Variants in CAMTA1 observed in about 807,000 individuals in gnomAD.
CAMTA1 encodes the protein calmodulin-binding transcription activator 1.
Under a neutral mutation model 170.9 loss-of-function variants are expected in CAMTA1, and 27 were observed. The observed-to-expected ratio is 0.16, with a 90% CI of 0.12 to 0.22. The LOEUF (loss-of-function observed/expected upper bound fraction) is 0.22. Among genes scored for constraint, CAMTA1 ranks in the 10% least tolerant of loss-of-function variants. The pLI is 1.00. For missense variants in CAMTA1, 1,619 were observed against 2,217.2 expected (o/e 0.73, Z 5.42); for synonymous variants, 833 against 891.5 (o/e 0.93, Z 1.17).
At chr1:6,902,077 A>AAAAAAAAAATAAAAAAT (rs1385758257) in intron 3 of CAMTA1, among the ~76,000 whole-genome samples, 32 of 70,900 alleles carry the variant, frequency 4.5e-4, no homozygotes, top group African/African-American at 4.6e-4. Context: ...ACACACAAAA[A>AAAAAAAAAATAAAAAAT]AAAAAATAAA....
intron 5 of CAMTA1, among the ~76,000 whole-genome samples, chr1:7,398,207 A>C (rs576356291): frequency 0.036 from 2,902 of 81,106 alleles, 39 homozygotes; most frequent in Non-Finnish European, 0.043. Flanking sequence ...ATATATATAT[A>C]TATATATATA....
At position 7,530,535 on chromosome 1, in the gene CAMTA1, G is replaced by A. The variant is rs924504263; in HGVS notation, c.510+62634G>A. 5.3e-5 allele frequency among the ~76,000 whole-genome samples: 8 copies of A among 152,114 alleles called. No homozygotes were observed. In the South Asian group the frequency reaches 1.0e-3, roughly 20 times the overall value. On this transcript the variant is annotated intron_variant, in intron 6 of 22. Coordinates refer to ENST00000303635, the MANE Select transcript of CAMTA1 (RefSeq NM_015215.4). Reference sequence around the variant, plus strand: ...ACCCAGGTATCCTCCCAGCAGTCCCGGGGGTGGGTTATAGATGAGGGAGGG... The same window carrying A: ...ACCCAGGTATCCTCCCAGCAGTCCCAGGGGTGGGTTATAGATGAGGGAGGG...
At chr1:7,264,765 A>G (rs568129360) in intron 5 of CAMTA1, among the ~76,000 whole-genome samples, 3 of 152,334 alleles carry the variant, frequency 2.0e-5, no homozygotes, top group African/African-American at 7.2e-5. Flanking sequence ...TGAAAGGGGA[A>G]AAAATATCGC....
At position 7,642,468 on chromosome 1, in the gene CAMTA1, G is replaced by A. The variant is rs12027070; in HGVS notation, c.664+1915G>A. On this transcript the variant is annotated intron_variant, in intron 7 of 22. Coordinates refer to ENST00000303635, the MANE Select transcript of CAMTA1 (RefSeq NM_015215.4). The surrounding 1 kb of genome is among the most constrained non-coding windows in gnomAD (Gnocchi z 6.3). ...TAGGAGTCTGGGGCACCGGTGCTGC[G>A]GGCCCTGCTGTCAGGCCCGCCTGCC... Among the ~76,000 whole-genome samples, 7 of 152,274 alleles carry A rather than the reference G, an allele frequency of 4.6e-5. No homozygotes were observed. The highest frequency in any genetic ancestry group is 2.1e-4 in the South Asian group (1 of 4,828).
chr1:7,246,670 C>CTTTTTTTTTT lies in CAMTA1; in HGVS notation c.303-2808_303-2799dup, dbSNP rs34382670. On this transcript the variant is annotated intron_variant, in intron 4 of 22. Transcript: ENST00000303635. ...ATCCCTTCCCACCAGCTCTGACCTGCTTTTTTTTTTTTTTTTTTTTTTGAC... is the reference window on the plus strand; with the variant it reads ...ATCCCTTCCCACCAGCTCTGACCTGCTTTTTTTTTTTTTTTTTTTTTTTTTTTTTTTTGAC... 5.5e-4 allele frequency among the ~76,000 whole-genome samples: 41 copies of CTTTTTTTTTT among 73,922 alleles called. 1 individual carries two copies. The highest frequency in any genetic ancestry group is 1.5e-3 in the African/African-American group (25 of 16,544). 48.5% of individuals were successfully genotyped at this position (73,922 alleles called of 152,430 possible).
At chr1:7,513,885 G>T (rs2094239970) in intron 6 of CAMTA1, among the ~76,000 whole-genome samples, 1 of 152,078 alleles carries the variant, frequency 6.6e-6, no homozygotes, top group Non-Finnish European at 1.5e-5. Flanking sequence ...TTGCACCATT[G>T]CACTCCAGCC....
chr1:7,100,985 C>T (rs1356565807), intron 4 of CAMTA1, among the ~76,000 whole-genome samples: 1 of 152,186 alleles, frequency 6.6e-6, no homozygotes, highest in African/African-American at 2.4e-5. Context: ...AGGAGACTGC[C>T]CGCCCAGGGT....
chr1:7,291,848 T>C (rs1336974975), intron 5 of CAMTA1, among the ~76,000 whole-genome samples: 1 of 152,194 alleles, frequency 6.6e-6, no homozygotes, highest in Non-Finnish European at 1.5e-5. Context: ...TTCCAACAAC[T>C]GTCTGGAAAC....
intron 3 of CAMTA1, among the ~76,000 whole-genome samples, chr1:7,070,898 G>T (rs140039486): frequency 1.6e-3 from 248 of 152,354 alleles, no homozygotes; most frequent in Non-Finnish European, 2.2e-3. Context: ...GCTTTTTCTG[G>T]CTCTGAACAC....
At chr1:6,839,018 A>G (rs545755306) in intron 3 of CAMTA1, among the ~76,000 whole-genome samples, 10 of 152,088 alleles carry the variant, frequency 6.6e-5, no homozygotes, top group Admixed American at 3.9e-4. Context: ...CAGCCTCCCA[A>G]AGTGCTGGGA....
intron 16 of CAMTA1, among the ~76,000 whole-genome samples, chr1:7,742,785 C>T (rs547085433): frequency 2.6e-5 from 4 of 152,244 alleles, no homozygotes; most frequent in South Asian, 2.1e-4. Flanking sequence ...TACTTCCTAC[C>T]GTTTGAGTCA....
intron 6 of CAMTA1, among the ~76,000 whole-genome samples, chr1:7,614,130 G>A (rs2095543296): frequency 1.3e-5 from 2 of 151,996 alleles, no homozygotes; most frequent in South Asian, 4.2e-4. Context: ...AGGAGGAGAG[G>A]AGATTTTGGC....
In CAMTA1 at chr1:7,530,919, A is replaced by G. The variant is rs2094485670; in HGVS notation, c.510+63018A>G. Among the ~76,000 whole-genome samples the G allele has an allele frequency of 2.0e-5, 3 of 150,402 alleles. No individual in the cohort carries two copies. The South Asian group carries it at 6.4e-4, about 32-fold the overall frequency. ...AACCTCTGCCTCCCGGGTTCAAGCA[A>G]TTCTCCTGCCTCAGCCTCCCCCAAG... On this transcript the variant is annotated intron_variant, in intron 6 of 22. Transcript: ENST00000303635.
At chr1:6,795,667 C>T (rs1557561765) in intron 1 of CAMTA1, among the ~76,000 whole-genome samples, 1 of 152,054 alleles carries the variant, frequency 6.6e-6, no homozygotes, top group East Asian at 1.9e-4. Flanking sequence ...ATGACTTTTT[C>T]TTTTATTTCC....
At chr1:7,615,190 G>A (rs2095550914) in intron 6 of CAMTA1, among the ~76,000 whole-genome samples, 1 of 152,196 alleles carries the variant, frequency 6.6e-6, no homozygotes, top group Non-Finnish European at 1.5e-5. Flanking sequence ...CAGGCAGAGG[G>A]GCAGCCTTAG....
At chr1:7,595,850 C>T (rs1010424808) in intron 6 of CAMTA1, among the ~76,000 whole-genome samples, 1 of 152,196 alleles carries the variant, frequency 6.6e-6, no homozygotes, top group Admixed American at 6.5e-5. Flanking sequence ...ACCTGGGCAT[C>T]ACAGTTACTT....
intron 4 of CAMTA1, among the ~76,000 whole-genome samples, chr1:7,159,932 A>T (rs1647107788): frequency 6.6e-6 from 1 of 152,174 alleles, no homozygotes; most frequent in African/African-American, 2.4e-5. Flanking sequence ...GGTTCCTGGC[A>T]CATAGTACAC....
At chr1:7,731,974 T>A (rs1177650297) in intron 11 of CAMTA1, among the ~76,000 whole-genome samples, 9 of 152,178 alleles carry the variant, frequency 5.9e-5, no homozygotes, top group Non-Finnish European at 1.3e-4. Context: ...TAAAACAATT[T>A]TTTTTTGTAA....
intron 3 of CAMTA1, among the ~76,000 whole-genome samples, chr1:6,847,909 C>T (rs1187281026): frequency 2.0e-5 from 3 of 147,566 alleles, no homozygotes; most frequent in South Asian, 4.3e-4. Flanking sequence ...GACGGGGTTT[C>T]AGCATGTTGG....
Sources: allele counts gnomAD v4.1 joint callset (sites outside exome capture counted in the v4.1 genomes callset), GRCh38; gene constraint gnomAD v4.1.1; non-coding constraint Gnocchi (gnomAD v3.1); transcripts MANE v1.5; gene names NCBI Gene and HGNC (gene_info 2026-07-23, HGNC 2026-07-21).